Variants in SNCAIP observed in about 807,000 individuals in gnomAD.
SNCAIP encodes synuclein alpha interacting protein, also known as synphilin-1.
In SNCAIP, 43 loss-of-function variants were observed where a neutral mutation model predicts 86.7. The observed-to-expected ratio is 0.50, with a 90% CI of 0.39 to 0.64. SNCAIP has a LOEUF of 0.64. Among genes scored for constraint, SNCAIP ranks in the 30% least tolerant of loss-of-function variants. SNCAIP has a pLI of 0.00. For missense variants in SNCAIP, 981 were observed against 1,103.1 expected (o/e 0.89, Z 1.57); for synonymous variants, 417 against 427.2 (o/e 0.98, Z 0.29).
intron 8 of SNCAIP, among the ~76,000 whole-genome samples, chr5:122,448,550 ATAT>A (rs984473514): frequency 2.1e-5 from 3 of 143,954 alleles, no homozygotes; most frequent in Non-Finnish European, 3.0e-5. Flanking sequence ...ATATCCTTCC[ATAT>A]TTTTTATATA....
At chr5:122,383,075 T>G (rs183253688) in intron 1 of SNCAIP, among the ~76,000 whole-genome samples, 7 of 152,336 alleles carry the variant, frequency 4.6e-5, no homozygotes, top group Non-Finnish European at 8.8e-5. Flanking sequence ...TCCACCCAGT[T>G]GGAGCTTCCC....
At chr5:122,331,232 A>G (rs996497288) in intron 1 of SNCAIP, among the ~76,000 whole-genome samples, 1 of 152,188 alleles carries the variant, frequency 6.6e-6, no homozygotes, top group African/African-American at 2.4e-5. Flanking sequence ...GATTTAATGC[A>G]CACAATTTAT....
chr5:122,439,301 G>T (rs893413694), intron 6 of SNCAIP, among the ~76,000 whole-genome samples: 2 of 152,098 alleles, frequency 1.3e-5, no homozygotes, highest in African/African-American at 4.8e-5. Flanking sequence ...ACCCTTGAGG[G>T]TTTCAGTTTC....
intron 1 of SNCAIP, among the ~76,000 whole-genome samples, chr5:122,338,777 C>T (rs1203305909): frequency 6.6e-6 from 1 of 151,968 alleles, no homozygotes; most frequent in Non-Finnish European, 1.5e-5. Context: ...GTCTGTTTGC[C>T]CAAATCTTTA....
At chr5:122,445,619 G>A (rs749925972) in intron 8 of SNCAIP, among the ~76,000 whole-genome samples, 2 of 149,288 alleles carry the variant, frequency 1.3e-5, no homozygotes, top group Non-Finnish European at 3.0e-5. Flanking sequence ...AAATTTTAGA[G>A]GGAAAATACT....
chr5:122,320,269 G>T (rs560376438), intron 1 of SNCAIP, among the ~76,000 whole-genome samples: 1 of 152,242 alleles, frequency 6.6e-6, no homozygotes, highest in South Asian at 2.1e-4. Flanking sequence ...ACTCATTTCC[G>T]AGTACAGTTT....
intron 3 of SNCAIP, among the ~76,000 whole-genome samples, chr5:122,419,778 C>T (rs1776023226): frequency 1.3e-5 from 2 of 152,034 alleles, no homozygotes; most frequent in South Asian, 4.1e-4. Flanking sequence ...AACTTTGTTT[C>T]CATGTATGGT....
intron 1 of SNCAIP, among the ~76,000 whole-genome samples, chr5:122,372,674 T>C (rs751141850): frequency 2.6e-5 from 4 of 152,206 alleles, no homozygotes; most frequent in Non-Finnish European, 5.9e-5. Context: ...TCTTGTGCTG[T>C]AGGAAGGAAA....
intron 10 of SNCAIP, 110 bp from the exon 11 acceptor site, chr5:122,463,381 T>C (rs1786943752): frequency 1.4e-6 from 1 of 739,116 alleles, no homozygotes; most frequent in Non-Finnish European, 2.5e-6. Context: ...TTCTTCAGTG[T>C]GGTTTGTGTG....
chr5:122,444,838 G>A, intron 8 of SNCAIP, 106 bp downstream of exon 8: 1 of 965,722 alleles, frequency 1.0e-6, no homozygotes, highest in Non-Finnish European at 1.7e-6. Flanking sequence ...GTTGTACAGG[G>A]AATTCCTAGC....
intron 1 of SNCAIP, among the ~76,000 whole-genome samples, chr5:122,385,306 G>A (rs889945866): frequency 1.3e-5 from 2 of 152,084 alleles, no homozygotes; most frequent in South Asian, 4.1e-4. Flanking sequence ...AAGTCCACAG[G>A]GCTTGTGCTT....
At chr5:122,326,715 T>G (rs1253341125) in intron 1 of SNCAIP, among the ~76,000 whole-genome samples, 2 of 150,064 alleles carry the variant, frequency 1.3e-5, no homozygotes, top group Non-Finnish European at 3.0e-5. Flanking sequence ...GATTTATAGA[T>G]TGTCCCTTCT....
At chr5:122,410,338 G>T (rs1773862495) in intron 3 of SNCAIP, among the ~76,000 whole-genome samples, 1 of 152,088 alleles carries the variant, frequency 6.6e-6, no homozygotes. Flanking sequence ...ATTTTGGATG[G>T]ACCACAGAAC....
intron 10 of SNCAIP, among the ~76,000 whole-genome samples, chr5:122,457,240 T>A (rs1349593928): frequency 6.6e-6 from 1 of 152,166 alleles, no homozygotes. Context: ...TGACCTCAGA[T>A]GATCCACCTG....
intron 3 of SNCAIP, among the ~76,000 whole-genome samples, chr5:122,406,708 C>T (rs1773077362): frequency 6.6e-6 from 1 of 152,172 alleles, no homozygotes; most frequent in Admixed American, 6.5e-5. Context: ...TCCCCCTTTG[C>T]CGTCTGCCAT....
chr5:122,435,055 A>G (rs1210512569), intron 6 of SNCAIP, among the ~76,000 whole-genome samples: 3 of 152,176 alleles, frequency 2.0e-5, no homozygotes, highest in African/African-American at 7.2e-5. Flanking sequence ...TAAAGACTCT[A>G]GTACCACAGG....
intron 1 of SNCAIP, among the ~76,000 whole-genome samples, chr5:122,333,761 A>G (rs1049800531): frequency 6.6e-6 from 1 of 152,248 alleles, no homozygotes; most frequent in Non-Finnish European, 1.5e-5. Flanking sequence ...AAGAATCAGC[A>G]CCAGGCTGTG....
At chr5:122,372,860 G>C (rs1478492834) in intron 1 of SNCAIP, among the ~76,000 whole-genome samples, 2 of 151,046 alleles carry the variant, frequency 1.3e-5, no homozygotes, top group East Asian at 3.9e-4. Flanking sequence ...ACTTCCTTCA[G>C]AAGTATTTTC....
At chr5:122,452,491 A>G (rs1269548025) in intron 10 of SNCAIP, among the ~76,000 whole-genome samples, 1 of 152,234 alleles carries the variant, frequency 6.6e-6, no homozygotes. Context: ...TCCCATTACA[A>G]TGAGGTCTAA....
Sources: gnomAD v4.1 joint callset for allele counts (sites outside exome capture counted in the v4.1 genomes callset) on GRCh38, gnomAD v4.1.1 for gene constraint, MANE v1.5 for transcripts, NCBI Gene and HGNC (gene_info 2026-07-23, HGNC 2026-07-21) for gene names.